The following LGSN variants were observed in gnomAD, a reference collection of about 807,000 sequenced individuals.
LGSN encodes lengsin.
Under a neutral mutation model 19.5 loss-of-function variants are expected in LGSN, and 21 were observed. The observed-to-expected ratio is 1.07, with a 90% confidence interval of 0.76 to 1.55. The LOEUF (loss-of-function observed/expected upper bound fraction) is 1.55. LGSN is among the 40% of genes most tolerant of loss of function. The pLI is 0.00. For missense variants in LGSN, 673 were observed against 608.5 expected, an observed-to-expected ratio of 1.11 and a Z score of -1.12; for synonymous variants, 257 against 215.6, an observed-to-expected ratio of 1.19 and a Z score of -1.68.
the LGSN span, among the ~76,000 whole-genome samples, chr6:63,488,709 T>C: frequency 3.3e-5 from 5 of 152,064 alleles, no homozygotes; most frequent in African/African-American, 1.2e-4. Flanking sequence ...TCCCAGCTAC[T>C]TGGGAGGCTG....
At chr6:63,547,763 G>T in the LGSN span, among the ~76,000 whole-genome samples, 1 of 150,956 alleles carries the variant, frequency 6.6e-6, no homozygotes, top group Non-Finnish European at 1.5e-5. Flanking sequence ...CACCCCCCTC[G>T]GCCTCCCAAA....
chr6:63,339,544 C>T, the LGSN span, among the ~76,000 whole-genome samples: 8 of 152,144 alleles, frequency 5.3e-5, no homozygotes, highest in East Asian at 3.9e-4. Context: ...TCCTTCCCTT[C>T]GCTTTCAGTG....
intron 2 of LGSN, chr6:63,293,700 T>C (rs766560301): frequency 1.8e-5 from 8 of 455,714 alleles, no homozygotes; most frequent in Non-Finnish European, 2.2e-5. Flanking sequence ...TCCAGGAACA[T>C]TGGTTGTTGT....
the LGSN span, among the ~76,000 whole-genome samples, chr6:63,434,814 T>A: frequency 6.6e-6 from 1 of 151,984 alleles, no homozygotes; most frequent in Non-Finnish European, 1.5e-5. Flanking sequence ...GGAAAGTTTA[T>A]AGAAGTCAGC....
chr6:63,496,172 G>A, the LGSN span, among the ~76,000 whole-genome samples: 7 of 152,118 alleles, frequency 4.6e-5, no homozygotes, highest in South Asian at 6.2e-4. Context: ...TGATCTGCCC[G>A]CCTTGGCCTC....
At chr6:63,549,341 A>G in the LGSN span, 1 of 754,512 alleles carries the variant, frequency 1.3e-6, no homozygotes, top group Non-Finnish European at 2.4e-6. Context: ...AGTGGGGGCC[A>G]TTTCACAAAG....
the LGSN span, among the ~76,000 whole-genome samples, chr6:63,325,725 T>C: frequency 1.3e-5 from 2 of 152,266 alleles, no homozygotes; most frequent in East Asian, 3.9e-4. Flanking sequence ...TCAGATGTGT[T>C]CGGAGTTTCT....
the LGSN span, chr6:63,480,459 G>C: frequency 1.2e-5 from 2 of 170,262 alleles, no homozygotes; most frequent in African/African-American, 4.8e-5. Context: ...TTTGATAAGG[G>C]GGAGGAAAGC....
the LGSN span, among the ~76,000 whole-genome samples, chr6:63,445,854 A>G: frequency 6.6e-6 from 1 of 152,108 alleles, no homozygotes; most frequent in Non-Finnish European, 1.5e-5. Flanking sequence ...ACACAGCCAT[A>G]GTGATCCTTC....
the LGSN span, among the ~76,000 whole-genome samples, chr6:63,499,225 A>T: frequency 6.6e-6 from 1 of 152,112 alleles, no homozygotes; most frequent in Non-Finnish European, 1.5e-5. Flanking sequence ...TCATTTTTAC[A>T]TTAATGTGTG....
At chr6:63,300,317 C>G (rs1042701422) in intron 1 of LGSN, among the ~76,000 whole-genome samples, 2 of 152,176 alleles carry the variant, frequency 1.3e-5, no homozygotes, top group Non-Finnish European at 2.9e-5. Flanking sequence ...GGGAGAATAC[C>G]TACGTTATTT....
intron 1 of LGSN, among the ~76,000 whole-genome samples, chr6:63,297,989 A>G (rs1768045731): frequency 6.6e-6 from 1 of 152,192 alleles, no homozygotes; most frequent in Non-Finnish European, 1.5e-5. Flanking sequence ...TTTCCTGTCC[A>G]TAAATGTCAT....
chr6:63,477,458 C>A, the LGSN span, among the ~76,000 whole-genome samples: 1 of 151,924 alleles, frequency 6.6e-6, no homozygotes, highest in Non-Finnish European at 1.5e-5. Flanking sequence ...CTTCTTTTCT[C>A]GTGGCTAATA....
the LGSN span, chr6:63,441,855 A>G: frequency 3.4e-6 from 1 of 295,156 alleles, no homozygotes; most frequent in Non-Finnish European, 6.5e-6. Flanking sequence ...GTTGCTTGTC[A>G]GGTGACACAG....
the LGSN span, among the ~76,000 whole-genome samples, chr6:63,360,495 T>C: frequency 9.8e-4 from 149 of 152,364 alleles, 1 homozygote; most frequent in African/African-American, 3.3e-3. Context: ...TCTCGTGTCA[T>C]GGTTTTCAGC....
At chr6:63,482,476 C>T in the LGSN span, among the ~76,000 whole-genome samples, 124 of 152,288 alleles carry the variant, frequency 8.1e-4, no homozygotes, top group Middle Eastern at 0.01. Context: ...CGCCTATAAT[C>T]CCAACATTTT....
At chr6:63,493,725 T>G in the LGSN span, among the ~76,000 whole-genome samples, 529 of 152,232 alleles carry the variant, frequency 3.5e-3, 5 homozygotes, top group African/African-American at 0.012. Flanking sequence ...TGAGCCTATT[T>G]GTCTGACACT....
chr6:63,430,013 A>AT, the LGSN span, among the ~76,000 whole-genome samples: 8 of 152,184 alleles, frequency 5.3e-5, no homozygotes, highest in Non-Finnish European at 1.2e-4. Context: ...GGAAATGCCT[A>AT]TAACAGACTT....
chr6:63,400,656 C>T, the LGSN span, among the ~76,000 whole-genome samples: 1 of 152,188 alleles, frequency 6.6e-6, no homozygotes, highest in African/African-American at 2.4e-5. Flanking sequence ...AAACTGGCAT[C>T]ATTGTTCTCC....
Sources: gnomAD v4.1 joint callset for allele counts (sites outside exome capture counted in the v4.1 genomes callset) on GRCh38, gnomAD v4.1.1 for gene constraint, MANE v1.5 for transcripts, NCBI Gene and HGNC (gene_info 2026-07-23, HGNC 2026-07-21) for gene names.